Variants in SNX24 observed in about 807,000 individuals in gnomAD.
SNX24 encodes sorting nexin 24, also known as sorting nexin-24.
SNX24 carries 22 observed loss-of-function variants against 28.7 expected under a neutral mutation model. That is an observed-to-expected ratio of 0.77 (90% CI 0.55 to 1.10). The LOEUF is 1.10. SNX24 is among the 50% of genes least tolerant of loss of function. The pLI is 0.00. For missense variants in SNX24, 221 were observed against 201.1 expected, an observed-to-expected ratio of 1.10 and a Z score of -0.60; for synonymous variants, 69 against 71.5, an observed-to-expected ratio of 0.96 and a Z score of 0.18.
At chr5:122,856,525 C>CTTTTTT (rs1184957460) in intron 1 of SNX24, among the ~76,000 whole-genome samples, 2 of 131,580 alleles carry the variant, frequency 1.5e-5, no homozygotes, top group Non-Finnish European at 1.6e-5. Context: ...AGTTCTGTGT[C>CTTTTTT]TTTTTTTTTT....
chr5:122,883,240 C>T (rs1346796662), intron 1 of SNX24, among the ~76,000 whole-genome samples: 2 of 152,154 alleles, frequency 1.3e-5, no homozygotes, highest in African/African-American at 2.4e-5. Flanking sequence ...ATCTGTGACT[C>T]CAAGAAAGGT....
chr5:122,942,577 G>A (rs1243234741), intron 2 of SNX24, among the ~76,000 whole-genome samples: 6 of 152,170 alleles, frequency 3.9e-5, no homozygotes, highest in Admixed American at 6.5e-5. Flanking sequence ...AGGTCTGTGT[G>A]GAATAAGTTC....
At chr5:122,913,306 C>G (rs1222932670) in intron 1 of SNX24, among the ~76,000 whole-genome samples, 29 of 151,786 alleles carry the variant, frequency 1.9e-4, no homozygotes, top group African/African-American at 7.0e-4. Flanking sequence ...AGAGGCGCCC[C>G]CCACCTCCCT....
chr5:123,024,124 TGG>T, intron 5 of SNX24: 2 of 1,145,152 alleles, frequency 1.7e-6, no homozygotes, highest in Non-Finnish European at 2.4e-6. Context: ...GTTGGTTGGT[TGG>T]TTTTTTATGA....
chr5:122,968,588 G>A (rs905317811), intron 3 of SNX24, among the ~76,000 whole-genome samples: 27 of 152,138 alleles, frequency 1.8e-4, no homozygotes, highest in Admixed American at 1.3e-3. Context: ...AGCAAGTGCA[G>A]TTGTTGGGTC....
At chr5:123,012,920 C>A (rs1762615810), downstream of SNX24, among the ~76,000 whole-genome samples, 1 of 152,158 alleles carries the variant, frequency 6.6e-6, no homozygotes, top group South Asian at 2.1e-4. Context: ...TTAGAAACAC[C>A]ACCCAGTTCA....
At chr5:122,888,608 C>G (rs1256912250) in intron 1 of SNX24, among the ~76,000 whole-genome samples, 1 of 152,120 alleles carries the variant, frequency 6.6e-6, no homozygotes, top group Non-Finnish European at 1.5e-5. Flanking sequence ...GATTTTTGCT[C>G]AATATCTGGT....
chr5:122,863,572 G>A (rs1026088021), intron 1 of SNX24, among the ~76,000 whole-genome samples: 2 of 151,460 alleles, frequency 1.3e-5, no homozygotes, highest in South Asian at 2.1e-4. Context: ...TTACTTTGTG[G>A]CCCAAGCTGG....
At chr5:123,021,371 G>T (rs973876915) in intron 5 of SNX24, among the ~76,000 whole-genome samples, 5 of 152,172 alleles carry the variant, frequency 3.3e-5, no homozygotes, top group Admixed American at 1.3e-4. Flanking sequence ...GTACCCATCT[G>T]TAGGGTCAGC....
At chr5:122,877,591 TCTCTA>T (rs1756287279) in intron 1 of SNX24, among the ~76,000 whole-genome samples, 1 of 152,126 alleles carries the variant, frequency 6.6e-6, no homozygotes, top group Non-Finnish European at 1.5e-5. Context: ...TCTGCCTCAC[TCTCTA>T]CTCAGCACCT....
intron 3 of SNX24, among the ~76,000 whole-genome samples, chr5:122,963,788 G>A (rs1278201008): frequency 2.0e-5 from 3 of 152,172 alleles, no homozygotes; most frequent in Non-Finnish European, 4.4e-5. Flanking sequence ...AATGTAAGTA[G>A]TCTCTTTCTT....
intron 1 of SNX24, among the ~76,000 whole-genome samples, chr5:122,880,303 A>G (rs2150059965): frequency 1.3e-5 from 2 of 152,246 alleles, no homozygotes; most frequent in South Asian, 4.2e-4. Context: ...ATTGCATCCC[A>G]CATTTGAAAA....
intron 3 of SNX24, among the ~76,000 whole-genome samples, chr5:122,980,184 A>G (rs966986555): frequency 2.0e-5 from 3 of 151,366 alleles, no homozygotes; most frequent in African/African-American, 7.3e-5. Context: ...ATTTTTTGCA[A>G]TTTTTTTTTG....
chr5:123,000,063 T>C (rs1485085173), intron 4 of SNX24, 57 bp downstream of exon 4: 1 of 1,169,636 alleles, frequency 8.5e-7, no homozygotes, highest in African/African-American at 1.5e-5. Context: ...CAATGACCAA[T>C]TGATCTAACA....
chr5:123,007,933 C>G lies in SNX24; in HGVS notation c.*184C>G. On this transcript the variant is annotated 3_prime_UTR_variant, in exon 7 of 7. Transcript: ENST00000261369. ...AGAATGGTGCTCTTAAAAATAGAAACTGAACCGGGGCGGTGGTCAGGCTAA... is the reference window on the plus strand; with the variant it reads ...AGAATGGTGCTCTTAAAAATAGAAAGTGAACCGGGGCGGTGGTCAGGCTAA... 7.2e-7 allele frequency: 1 copy of G among 1,391,136 alleles called. No individual in the cohort carries two copies. Among genetic ancestry groups the G allele is most frequent in the Non-Finnish European group, 9.4e-7 (1 of 1,068,486 alleles). The allele number at this position is 1,391,136 out of a possible 1,614,324, so 86.2% of individuals were successfully genotyped here.
At chr5:122,847,584 C>T (rs1754701115) in intron 1 of SNX24, among the ~76,000 whole-genome samples, 2 of 150,808 alleles carry the variant, frequency 1.3e-5, no homozygotes, top group Non-Finnish European at 2.9e-5. Flanking sequence ...ACCTCTGCCT[C>T]CTGGGCTCAT....
intron 5 of SNX24, chr5:123,026,003 C>T (rs765934114): frequency 6.5e-7 from 1 of 1,545,196 alleles, no homozygotes; most frequent in Non-Finnish European, 8.7e-7. Context: ...CAACAGATGT[C>T]TTCCAAAAGT....
At chr5:122,980,945 T>C (rs1307423867) in intron 3 of SNX24, among the ~76,000 whole-genome samples, 1 of 152,012 alleles carries the variant, frequency 6.6e-6, no homozygotes, top group Non-Finnish European at 1.5e-5. Context: ...CTTTGTCCCA[T>C]ACAAATGAGA....
rs571279407 is a variant in SNX24 at position 122,967,824 on chromosome 5, C to T, written c.249+21665C>T. On this transcript the variant is annotated intron_variant, in intron 3 of 6. Coordinates refer to ENST00000261369, the MANE Select transcript of SNX24 (RefSeq NM_014035.4). ...ACCAGGAGTCCTGCTGGGAAACCAC[C>T]GGTTGAAGATTAAACCACGAGCTCA... Among the ~76,000 whole-genome samples, 11 of 152,246 alleles carry T rather than the reference C, an allele frequency of 7.2e-5. No homozygotes were observed. The South Asian group carries it at 2.1e-3, about 29-fold the overall frequency.
Sources: gnomAD v4.1 joint callset for allele counts (sites outside exome capture counted in the v4.1 genomes callset) on GRCh38, gnomAD v4.1.1 for gene constraint, MANE v1.5 for transcripts, NCBI Gene and HGNC (gene_info 2026-07-23, HGNC 2026-07-21) for gene names.